Variants in RP1 observed in about 807,000 individuals in gnomAD.
RP1 encodes oxygen-regulated protein 1.
RP1 carries 16 observed loss-of-function variants against 14.8 expected under a neutral mutation model. The ratio of observed to expected loss-of-function variants is 1.08; its 90% CI spans 0.73 to 1.65. RP1 has a LOEUF of 1.65. Ranked by LOEUF, RP1 falls within the 40% of genes most tolerant of loss-of-function variation. The pLI is 0.00. For missense variants in RP1, 2,631 were observed against 2,535.0 expected (o/e 1.04, Z -0.81); for synonymous variants, 876 against 883.6 (o/e 0.99, Z 0.15).
At chr8:54,689,749 A>G (rs1003520131) in intron 12 of RP1, among the ~76,000 whole-genome samples, 1 of 152,052 alleles carries the variant, frequency 6.6e-6, no homozygotes, top group Non-Finnish European at 1.5e-5. Context: ...TAACTAGTTA[A>G]TGGGGCTGTA....
intron 28 of RP1, among the ~76,000 whole-genome samples, chr8:54,867,442 A>G (rs1812483383): frequency 6.6e-6 from 1 of 152,150 alleles, no homozygotes; most frequent in African/African-American, 2.4e-5. Context: ...AGAAGGGGCA[A>G]AGATTGAAGT....
chr8:54,701,277 G>A (rs965594754), intron 13 of RP1, among the ~76,000 whole-genome samples: 2 of 152,124 alleles, frequency 1.3e-5, no homozygotes, highest in African/African-American at 4.8e-5. Context: ...CATGGATTCT[G>A]AGAAATCAAG....
chr8:54,852,338 T>C (rs943026578), intron 25 of RP1, among the ~76,000 whole-genome samples: 5 of 152,166 alleles, frequency 3.3e-5, no homozygotes, highest in Admixed American at 3.3e-4. Flanking sequence ...AGTACATAAT[T>C]GCTAACAATA....
intron 26 of RP1, among the ~76,000 whole-genome samples, chr8:54,855,283 A>G (rs62516459): frequency 0.24 from 36,757 of 152,138 alleles, 5,076 homozygotes; most frequent in Middle Eastern, 0.45. Context: ...TTGTTCATGC[A>G]TGTTGTAGCA....
chr8:54,713,858 T>G (rs1267310008), intron 15 of RP1, among the ~76,000 whole-genome samples: 1 of 152,234 alleles, frequency 6.6e-6, no homozygotes, highest in African/African-American at 2.4e-5. Flanking sequence ...TGTTTGAATT[T>G]TCTAAAAAAT....
chr8:54,641,013 G>A (rs1252738747), intron 3 of RP1, among the ~76,000 whole-genome samples: 3 of 144,980 alleles, frequency 2.1e-5, no homozygotes, highest in Non-Finnish European at 4.5e-5. Context: ...AGGCTGGAGT[G>A]TAGTCACTGC....
At chr8:54,562,410 G>A (rs1388934711) in intron 1 of RP1, among the ~76,000 whole-genome samples, 1 of 152,196 alleles carries the variant, frequency 6.6e-6, no homozygotes, top group Non-Finnish European at 1.5e-5. Context: ...TAAGTAGGCT[G>A]GGTGTGGTGG....
chr8:54,787,438 A>G (rs947035089), intron 24 of RP1, among the ~76,000 whole-genome samples: 2 of 152,068 alleles, frequency 1.3e-5, no homozygotes, highest in African/African-American at 4.8e-5. Flanking sequence ...TTTGTTTAAT[A>G]TTGACTGCTT....
intron 1 of RP1, among the ~76,000 whole-genome samples, chr8:54,568,297 G>T (rs1327302036): frequency 6.6e-6 from 1 of 152,180 alleles, no homozygotes; most frequent in African/African-American, 2.4e-5. Flanking sequence ...AAAAAAGTCA[G>T]AATCTTTTTA....
Position 54,627,453 on chromosome 8 carries a change from A to G in RP1, c.3571A>G (p.Thr1191Ala), listed in dbSNP as rs2129317193. The G allele has an allele frequency of 2.5e-6, 4 of 1,614,178 alleles. No homozygotes were observed. Among genetic ancestry groups the G allele is most frequent in the Non-Finnish European group, 3.4e-6 (4 of 1,179,980 alleles). Residue 1191 changes from threonine (T) to alanine (A), a missense_variant, in exon 4 of 4, where the codon ACA becomes GCA. Transcript: ENST00000220676. The stretch of plus-strand genomic sequence containing the variant: ...TGTTGCCAATTTAGTGGAGTCAACT[A>G]CAAGCCACTTTGGACTCAGTGAGAA... ...AAVANLVESTTSHFGLSEKEQ... is the reference protein window; with the variant it reads ...AAVANLVESTASHFGLSEKEQ...
intron 25 of RP1, among the ~76,000 whole-genome samples, chr8:54,843,979 C>A (rs944025690): frequency 6.6e-6 from 1 of 152,180 alleles, no homozygotes; most frequent in African/African-American, 2.4e-5. Context: ...ACAAAAAATA[C>A]CCATGTTGAC....
chr8:54,646,278 C>T (rs1806548202), intron 3 of RP1, among the ~76,000 whole-genome samples: 1 of 151,736 alleles, frequency 6.6e-6, no homozygotes, highest in Admixed American at 6.6e-5. Flanking sequence ...CTTCCTCCTC[C>T]CTACTCTCTC....
intron 24 of RP1, among the ~76,000 whole-genome samples, chr8:54,811,866 T>A (rs1811003589): frequency 6.6e-6 from 1 of 152,258 alleles, no homozygotes; most frequent in Non-Finnish European, 1.5e-5. Flanking sequence ...GCATATTGCC[T>A]TCCTTCACAC....
intron 1 of RP1, among the ~76,000 whole-genome samples, chr8:54,587,610 A>T (rs1353387276): frequency 2.0e-5 from 3 of 152,212 alleles, no homozygotes; most frequent in Non-Finnish European, 2.9e-5. Flanking sequence ...TTGAAAATTT[A>T]GGCTGAAGAG....
chr8:54,752,039 C>G (rs556513478), intron 19 of RP1, among the ~76,000 whole-genome samples: 1 of 152,164 alleles, frequency 6.6e-6, no homozygotes, highest in Non-Finnish European at 1.5e-5. Context: ...GAGGAAGAAC[C>G]TGTTGAAGTT....
chr8:54,670,373 GCTGT>G (rs1807126466), intron 7 of RP1, among the ~76,000 whole-genome samples: 1 of 150,536 alleles, frequency 6.6e-6, no homozygotes. Context: ...GTATTGTGTT[GCTGT>G]CTATTTCTCC....
At chr8:54,702,786 T>C (rs1421335201) in intron 14 of RP1, among the ~76,000 whole-genome samples, 1 of 152,230 alleles carries the variant, frequency 6.6e-6, no homozygotes, top group East Asian at 1.9e-4. Context: ...TGCTGCTGCT[T>C]TATCAACTGA....
chr8:54,867,822 T>C (rs1046662482), intron 28 of RP1, among the ~76,000 whole-genome samples: 10 of 152,202 alleles, frequency 6.6e-5, no homozygotes, highest in Non-Finnish European at 1.5e-4. Context: ...TAGTCACATA[T>C]GGCTAATTAA....
At chr8:54,573,854 T>C (rs1338715172) in intron 1 of RP1, among the ~76,000 whole-genome samples, 2 of 152,120 alleles carry the variant, frequency 1.3e-5, no homozygotes, top group Non-Finnish European at 2.9e-5. Flanking sequence ...CATAAAGGGG[T>C]TAATAGTCTG....
Sources: allele counts gnomAD v4.1 joint callset (sites outside exome capture counted in the v4.1 genomes callset), GRCh38; gene constraint gnomAD v4.1.1; transcripts MANE v1.5; gene names NCBI Gene and HGNC (gene_info 2026-07-23, HGNC 2026-07-21).